The following EFEMP2 variants were observed in gnomAD, a reference collection of about 807,000 sequenced individuals.
EFEMP2 encodes the protein EGF-containing fibulin-like extracellular matrix protein 2.
EFEMP2 carries 21 observed loss-of-function variants against 55.3 expected under a neutral mutation model. That is an observed-to-expected ratio of 0.38 (90% CI 0.27 to 0.55). EFEMP2 has a LOEUF of 0.55. EFEMP2 is among the 20% of genes least tolerant of loss of function. The pLI is 0.77. For missense variants in EFEMP2, 513 were observed against 615.1 expected (o/e 0.83, Z 1.76); for synonymous variants, 275 against 242.3 (o/e 1.14, Z -1.25).
Position 65,871,070 on chromosome 11 carries a change from T to C in EFEMP2, c.367+87A>G. The C allele has an allele frequency of 4.0e-6, 6 of 1,491,624 alleles. No individual in the cohort carries two copies. In the South Asian group the frequency reaches 7.0e-5, roughly 17 times the overall value. The allele number at this position is 1,491,624 out of a possible 1,614,324, so 92.4% of individuals were successfully genotyped here. On this transcript the variant is annotated intron_variant, in intron 4 of 10. Transcript: ENST00000307998. The stretch of plus-strand genomic sequence containing the variant: ...AGGGTGTGGACATCACCAGTGGCCC[T>C]TTTGAGCTGGGGAGGAACATGAGGT...
At chr11:65,870,005 T>G in intron 6 of EFEMP2, 29 bp from the exon 7 acceptor site, 1 of 1,613,336 alleles carries the variant, frequency 6.2e-7, no homozygotes. Context: ...ACAGGAGGGA[T>G]GAAAGCGGAG....
At chr11:65,872,093 A>G in intron 2 of EFEMP2, 75 bp from the exon 3 acceptor site, 1 of 1,538,482 alleles carries the variant, frequency 6.5e-7, no homozygotes, top group Non-Finnish European at 8.8e-7. Flanking sequence ...CTAGGGCCTG[A>G]GCCTGGCCAC....
chr11:65,867,140 C>T, intron 10 of EFEMP2, 61 bp from the exon 11 acceptor site: 1 of 1,601,212 alleles, frequency 6.2e-7, no homozygotes, highest in African/African-American at 1.3e-5. Context: ...AGGCCCCTGC[C>T]CCAGCGTCAC....
intron 5 of EFEMP2, 22 bp from the exon 6 acceptor site, chr11:65,870,259 G>A (rs1225252840): frequency 1.9e-6 from 3 of 1,598,384 alleles, no homozygotes; most frequent in Admixed American, 1.7e-5. Context: ...GGCAGGAGAA[G>A]GAGGGCGGAG....
At chr11:65,870,070 C>T (rs1382643524) in intron 6 of EFEMP2, 51 bp downstream of exon 6, 6 of 1,613,172 alleles carry the variant, frequency 3.7e-6, no homozygotes, top group Non-Finnish European at 5.1e-6. Flanking sequence ...AGCGCCCCCA[C>T]CTCACACCTC....
Position 65,872,695 on chromosome 11 carries a change from C to T in EFEMP2, c.-20G>A, listed in dbSNP as rs1591068750. ...CACAGCCACTCACTTGGGCCCGCGA[C>T]ACCCCCGCGGCCCGCGGCTCTGGCG... On this transcript the variant is annotated 5_prime_UTR_variant, in exon 1 of 11. Transcript: ENST00000307998. 1 of 347,086 alleles carries T rather than the reference C, an allele frequency of 2.9e-6. No homozygotes were observed. Among genetic ancestry groups the T allele is most frequent in the Non-Finnish European group, 5.7e-6 (1 of 174,386 alleles). The allele number at this position is 347,086 out of a possible 1,614,324, so 21.5% of individuals were successfully genotyped here.
Position 65,871,294 on chromosome 11 carries a change from C to T in EFEMP2, c.230G>A (p.Gly77Asp). The change falls in exon 4 of 11, where the codon GGC becomes GAC. Residue 77 changes from glycine to aspartate, a missense_variant. Transcript: ENST00000307998. ...GEMKCINHYG[G>D]YLCLPRSAAV... The stretch of plus-strand genomic sequence containing the variant: ...AGCGGAGCGGGGCAGGCACAAGTAG[C>T]CCCCGTAGTGGTTGATGCACTTCAT... 6.2e-7 allele frequency: 1 copy of T among 1,614,160 alleles called. No individual in the cohort carries two copies. Among genetic ancestry groups the T allele is most frequent in the Non-Finnish European group, 8.5e-7 (1 of 1,180,024 alleles).
intron 7 of EFEMP2, 118 bp downstream of exon 7, chr11:65,869,739 C>T: frequency 6.6e-7 from 1 of 1,511,558 alleles, no homozygotes; most frequent in African/African-American, 1.4e-5. Context: ...CAGGAGGCAG[C>T]TGGGTGCACA....
chr11:65,872,311 C>A lies in EFEMP2; in HGVS notation c.44G>T (p.Trp15Leu). Reference sequence around the variant, plus strand: ...TCCCAAGAGCAACAGTAGCAGCGCCCAGAGCAGTAGAGACCCGGGTAGGCA... The same window carrying A: ...TCCCAAGAGCAACAGTAGCAGCGCCAAGAGCAGTAGAGACCCGGGTAGGCA... ...ASCLPGSLLL[W>L]ALLLLLLGSA... Residue 15 changes from tryptophan to leucine, a missense_variant, in exon 2 of 11, where the codon TGG (tryptophan) becomes TTG (leucine). By Grantham distance (61) the Trp-to-Leu change is moderately conservative. Coordinates refer to ENST00000307998, the MANE Select transcript of EFEMP2 (RefSeq NM_016938.5). The A allele has an allele frequency of 1.3e-6, 2 of 1,551,730 alleles. No individual in the cohort carries two copies. Among genetic ancestry groups the A allele is most frequent in the Non-Finnish European group, 1.7e-6 (2 of 1,147,030 alleles).
At chr11:65,869,537 A>G in intron 7 of EFEMP2, 1 of 396,714 alleles carries the variant, frequency 2.5e-6, no homozygotes, top group South Asian at 2.2e-5. Flanking sequence ...AAGAAGAAAC[A>G]GGCTCAGAGA....
chr11:65,870,714 C>T (rs1859951135), intron 4 of EFEMP2, 56 bp from the exon 5 acceptor site: 6 of 1,611,862 alleles, frequency 3.7e-6, no homozygotes, highest in African/African-American at 1.3e-5. Flanking sequence ...CCCAACATGA[C>T]AGATAGTTCC....
At chr11:65,872,175 T>C (rs1404843278) in intron 2 of EFEMP2, 69 bp downstream of exon 2, 1 of 1,506,010 alleles carries the variant, frequency 6.6e-7, no homozygotes, top group East Asian at 2.5e-5. Flanking sequence ...CCGGCAGCAG[T>C]CACCCTGGGT....
At chr11:65,868,128 G>T in intron 9 of EFEMP2, 72 bp from the exon 10 acceptor site, 1 of 1,577,482 alleles carries the variant, frequency 6.3e-7, no homozygotes, top group Non-Finnish European at 8.6e-7. Flanking sequence ...CCCTACAAAG[G>T]GAGGGAATCC....
At position 65,871,969 on chromosome 11, in the gene EFEMP2, C is replaced by A. The variant is rs1305788589; in HGVS notation, c.160+1G>T. 2 of 1,551,588 alleles carry A rather than the reference C, an allele frequency of 1.3e-6. No individual in the cohort carries two copies. The highest frequency in any genetic ancestry group is 1.7e-6 in the Non-Finnish European group (2 of 1,146,938). On this transcript the variant is annotated splice_donor_variant, in intron 3 of 10. Coordinates refer to ENST00000307998, the MANE Select transcript of EFEMP2 (RefSeq NM_016938.5). LOFTEE classifies it high-confidence loss of function. The stretch of plus-strand genomic sequence containing the variant: ...GTGTTTGGTCCCCCAGGCACACACA[C>A]CCCGGCAGTGCTGGCTGTCTGGGTC...
chr11:65,871,931 C>T lies in EFEMP2; in HGVS notation c.160+39G>A, dbSNP rs745715591. ...TGGAAAGCAGCTATCAATCCCTTTCCGGGTTCCTGGGGGTGTTTGGTCCCC... is the reference window on the plus strand; with the variant it reads ...TGGAAAGCAGCTATCAATCCCTTTCTGGGTTCCTGGGGGTGTTTGGTCCCC... On this transcript the variant is annotated intron_variant, in intron 3 of 10. Coordinates refer to ENST00000307998, the MANE Select transcript of EFEMP2 (RefSeq NM_016938.5). 2.4e-5 allele frequency: 37 copies of T among 1,550,988 alleles called. No homozygotes were observed. The Admixed American group carries it at 4.7e-4, about 20-fold the overall frequency.
rs774020582 is a variant in EFEMP2 at position 65,871,209 on chromosome 11, G to A, written c.315C>T (p.His105=). 2.5e-6 allele frequency: 4 copies of A among 1,614,218 alleles called. No individual in the cohort carries two copies. Among genetic ancestry groups the A allele is most frequent in the Non-Finnish European group, 3.4e-6 (4 of 1,180,040 alleles). Residue 105 remains histidine (H), a synonymous_variant, in exon 4 of 11, where the codon CAC becomes CAT. Coordinates refer to ENST00000307998, the MANE Select transcript of EFEMP2 (RefSeq NM_016938.5). ...CATAGCCTGGTGGGCAGGGGTTGGG[G>A]TGTTGAGCGGGAGGCACTGGTGGCG... is the stretch of plus-strand genomic sequence containing the variant. The part of the protein sequence containing the change: ...GPPPPVPPAQ[H]PNPCPPGYEP...
In EFEMP2 at chr11:65,868,677, C is replaced by T. The variant is rs766642842; in HGVS notation, c.728-48G>A. On this transcript the variant is annotated intron_variant, in intron 7 of 10. Transcript: ENST00000307998. ...ACCCCGGGTCAAGGGCATTCCTCAC[C>T]ATTCAGTCCCACAAACATTTCCCAA... is the stretch of plus-strand genomic sequence containing the variant. 3.0e-5 allele frequency: 48 copies of T among 1,611,220 alleles called. 1 individual carries two copies. In the Admixed American group the frequency reaches 7.8e-4, roughly 26 times the overall value.
At chr11:65,869,673 C>G (rs945817475) in intron 7 of EFEMP2, 184 bp downstream of exon 7, 31 of 859,114 alleles carry the variant, frequency 3.6e-5, no homozygotes, top group Admixed American at 1.9e-4. Context: ...GCTGCCTCTC[C>G]TTGTGCCTCC....
In EFEMP2 at chr11:65,867,025, G is replaced by A. The variant is rs774325189; in HGVS notation, c.1225C>T (p.Arg409Trp). ...ATCTCCAGGTCCAGCACGTACTCCC[G>A]GGGGCCCGTCACCGGCCGGGCGAGG... is the stretch of plus-strand genomic sequence containing the variant. Reference protein sequence around the residue: ...LVLARPVTGPREYVLDLEMVT... With the variant: ...LVLARPVTGPWEYVLDLEMVT... Residue 409 changes from arginine to tryptophan, a missense_variant, in exon 11 of 11, where the codon CGG becomes TGG. Arg to Trp is a moderately radical substitution (Grantham distance 101, BLOSUM62 -3). Coordinates refer to ENST00000307998, the MANE Select transcript of EFEMP2 (RefSeq NM_016938.5). 15 of 1,613,994 alleles carry A rather than the reference G, an allele frequency of 9.3e-6. No homozygotes were observed. Among genetic ancestry groups the A allele is most frequent in the East Asian group, 2.2e-5 (1 of 44,886 alleles).
Sources: gnomAD v4.1 joint callset for allele counts on GRCh38, gnomAD v4.1.1 for gene constraint, MANE v1.5 for transcripts, NCBI Gene and HGNC (gene_info 2026-07-23, HGNC 2026-07-21) for gene names.